Variants in DNAH5 observed in about 807,000 individuals in gnomAD.
The protein encoded by DNAH5 is dynein axonemal heavy chain 5.
DNAH5 carries 372 observed loss-of-function variants against 518.2 expected under a neutral mutation model. The ratio of observed to expected loss-of-function variants is 0.72; its 90% CI spans 0.66 to 0.78. The LOEUF is 0.78. DNAH5 is among the 30% of genes least tolerant of loss of function. The pLI is 0.00. For synonymous variants in DNAH5, 2,039 were observed against 2,025.9 expected (o/e 1.01, Z -0.17); for missense variants, 5,523 against 5,687.0 (o/e 0.97, Z 0.93).
chr5:13,781,697 T>C (rs1755167796), intron 52 of DNAH5, among the ~76,000 whole-genome samples: 1 of 152,150 alleles, frequency 6.6e-6, no homozygotes, highest in African/African-American at 2.4e-5. Flanking sequence ...ACCGTGATTC[T>C]GAGGCCTCTT....
intron 32 of DNAH5, among the ~76,000 whole-genome samples, chr5:13,842,437 A>AAGAGAGAGAGAGAGAGAG (rs1367769157): frequency 1.1e-5 from 1 of 91,326 alleles, no homozygotes; most frequent in African/African-American, 4.5e-5. Context: ...GAAAGAAAGA[A>AAGAGAGAGAGAGAGAGAG]AGAAAGAAAG....
chr5:13,934,830 T>C (rs1778771690), intron 1 of DNAH5, among the ~76,000 whole-genome samples: 1 of 152,194 alleles, frequency 6.6e-6, no homozygotes, highest in South Asian at 2.1e-4. Flanking sequence ...TCTACCTGTT[T>C]TCTCACCATT....
intron 73 of DNAH5, 72 bp from the exon 74 acceptor site, chr5:13,716,762 C>A: frequency 9.8e-7 from 1 of 1,024,566 alleles, no homozygotes; most frequent in Non-Finnish European, 1.5e-6. Context: ...CAAGTCACAC[C>A]CATGTATTCA....
intron 65 of DNAH5, among the ~76,000 whole-genome samples, chr5:13,750,818 C>A (rs1372240163): frequency 6.6e-6 from 1 of 152,106 alleles, no homozygotes; most frequent in Non-Finnish European, 1.5e-5. Context: ...GAGACTGATT[C>A]CTCGTAGTTT....
At position 13,827,065 on chromosome 5, in the gene DNAH5, G is replaced by A. The variant is rs149389796; in HGVS notation, c.6444+2445C>T. On this transcript the variant is annotated intron_variant, in intron 38 of 78. Transcript: ENST00000265104. The stretch of plus-strand genomic sequence containing the variant: ...GTGAAGGTCACTGTTGCTATACAAA[G>A]AGACTGGCAGCATTTTGCCCCTGTC... 7.3e-3 allele frequency among the ~76,000 whole-genome samples: 1,109 copies of A among 152,290 alleles called. 14 individuals are homozygous for A. Among genetic ancestry groups the A allele is most frequent in the African/African-American group, 0.025 (1,047 of 41,542 alleles).
In DNAH5 at chr5:13,850,715, G is replaced by T. The variant is rs752449850; in HGVS notation, c.5051C>A (p.Thr1684Asn). The T allele has an allele frequency of 3.1e-6, 5 of 1,613,850 alleles. No homozygotes were observed. In the African/African-American group the frequency reaches 4.0e-5, roughly 13 times the overall value. ...SVVQCCVGDE[T>N]LGQLLPHLLD... ...CAAGTGTGGTAACAGCTGCCCCAGG[G>T]TCTCATCTCCAACACAGCACTGGAC... is the stretch of plus-strand genomic sequence containing the variant. The change falls in exon 31 of 79, where the codon ACC becomes AAC. Residue 1684 changes from threonine to asparagine, a missense_variant. Thr to Asn is a moderately conservative substitution (Grantham distance 65, BLOSUM62 0). Transcript: ENST00000265104.
intron 38 of DNAH5, among the ~76,000 whole-genome samples, chr5:13,825,884 T>G (rs1050408104): frequency 6.6e-6 from 1 of 152,126 alleles, no homozygotes; most frequent in African/African-American, 2.4e-5. Flanking sequence ...ACAAAAAAAA[T>G]GTATAGGAAA....
At position 13,758,899 on chromosome 5, in the gene DNAH5, C is replaced by A. The variant is rs536222632; in HGVS notation, c.10366G>T (p.Ala3456Ser). 6.8e-6 allele frequency: 11 copies of A among 1,614,076 alleles called. No homozygotes were observed. The highest frequency in any genetic ancestry group is 9.3e-6 in the Non-Finnish European group (11 of 1,180,044). ...KAQAELDDKQ[A>S]ELDVVQAEYE... Reference sequence around the variant, plus strand: ...TCAGCCTGCACCACGTCAAGTTCCGCCTGCTTGTCATCCAACTCGGCCTGG... The same window carrying A: ...TCAGCCTGCACCACGTCAAGTTCCGACTGCTTGTCATCCAACTCGGCCTGG... The change falls in exon 61 of 79, where the codon GCG (alanine) becomes TCG (serine). Residue 3456 changes from alanine to serine, a missense_variant. This residue lies in a region of DNAH5 where 5,121 missense variants were observed against 5,223.3 expected (regional missense o/e 0.98). Coordinates refer to ENST00000265104, the MANE Select transcript of DNAH5 (RefSeq NM_001369.3).
chr5:13,714,090 T>C (rs1382346796), intron 75 of DNAH5, among the ~76,000 whole-genome samples: 1 of 152,186 alleles, frequency 6.6e-6, no homozygotes, highest in Non-Finnish European at 1.5e-5. Flanking sequence ...CTTCGCTTTA[T>C]TTTGAACAAA....
intron 12 of DNAH5, among the ~76,000 whole-genome samples, chr5:13,907,931 C>T (rs1322091113): frequency 2.0e-5 from 3 of 152,038 alleles, no homozygotes; most frequent in East Asian, 1.9e-4. Context: ...GTTTGATATG[C>T]GATAAGAATT....
intron 76 of DNAH5, among the ~76,000 whole-genome samples, chr5:13,702,477 A>G (rs1742241661): frequency 6.6e-6 from 1 of 152,194 alleles, no homozygotes; most frequent in African/African-American, 2.4e-5. Context: ...GGGAGCCGCT[A>G]ATGAGAGAGT....
At chr5:13,764,209 A>G (rs1439384447) in intron 59 of DNAH5, among the ~76,000 whole-genome samples, 1 of 152,238 alleles carries the variant, frequency 6.6e-6, no homozygotes, top group Non-Finnish European at 1.5e-5. Flanking sequence ...GTGGGCAAAG[A>G]TCTCCTAAAC....
chr5:13,988,182 A>G (rs1261947430), intron 1 of DNAH5, among the ~76,000 whole-genome samples: 1 of 152,230 alleles, frequency 6.6e-6, no homozygotes, highest in Non-Finnish European at 1.5e-5. Flanking sequence ...CAAGCAGTAG[A>G]AAATCGTAGT....
chr5:13,748,657 C>A (rs1253903838), intron 65 of DNAH5, among the ~76,000 whole-genome samples: 1 of 152,090 alleles, frequency 6.6e-6, no homozygotes, highest in Non-Finnish European at 1.5e-5. Context: ...AATGGGAGTT[C>A]ACTCATGATT....
At chr5:13,939,836 G>A (rs767237366) in intron 1 of DNAH5, among the ~76,000 whole-genome samples, 2 of 152,110 alleles carry the variant, frequency 1.3e-5, no homozygotes, top group Non-Finnish European at 2.9e-5. Context: ...AAGTGGTTTC[G>A]GGAAAGAAAA....
In DNAH5 at chr5:13,882,731, G is replaced by T; in HGVS notation, c.3259C>A (p.Gln1087Lys). The change falls in exon 21 of 79, where the codon CAA becomes AAA. Residue 1087 changes from glutamine to lysine, a missense_variant. Gln to Lys is a moderately conservative substitution (Grantham distance 53). This residue lies in a region of DNAH5 where 5,121 missense variants were observed against 5,223.3 expected (regional missense o/e 0.98). Transcript: ENST00000265104. ...AAAAGACTAAAAGAACATTTACCTTGAAGTTCATTTTCTCCCATTTCAACA... is the reference window on the plus strand; with the variant it reads ...AAAAGACTAAAAGAACATTTACCTTTAAGTTCATTTTCTCCCATTTCAACA... ...SDVEMGENEL[Q>K]DTLEIASVNL... is the part of the protein sequence containing the mutation. 6.2e-7 allele frequency: 1 copy of T among 1,610,490 alleles called. No homozygotes were observed. The highest frequency in any genetic ancestry group is 8.5e-7 in the Non-Finnish European group (1 of 1,176,888).
chr5:13,864,249 G>C, intron 28 of DNAH5, 148 bp downstream of exon 28: 2 of 984,688 alleles, frequency 2.0e-6, no homozygotes, highest in Non-Finnish European at 3.2e-6. Context: ...GGCCAAATAA[G>C]CATTTGTTGA....
At chr5:13,800,082 G>T (rs1758513503) in intron 47 of DNAH5, among the ~76,000 whole-genome samples, 1 of 152,140 alleles carries the variant, frequency 6.6e-6, no homozygotes, top group African/African-American at 2.4e-5. Context: ...TGCTGGGAGG[G>T]TCTTTCTTCC....
chr5:13,721,929 C>T (rs1745108097), intron 70 of DNAH5, among the ~76,000 whole-genome samples: 1 of 152,184 alleles, frequency 6.6e-6, no homozygotes, highest in Admixed American at 6.5e-5. Flanking sequence ...TATTTTTCAA[C>T]AAATGGTATT....
Sources: gnomAD v4.1 joint callset for allele counts (sites outside exome capture counted in the v4.1 genomes callset) on GRCh38, gnomAD v4.1.1 for gene constraint, gnomAD v4.1.1 regional missense constraint, MANE v1.5 for transcripts, NCBI Gene and HGNC (gene_info 2026-07-23, HGNC 2026-07-21) for gene names.